CDKL5: variants seen among roughly 807,000 people sequenced by gnomAD.
The protein encoded by CDKL5 is cyclin dependent kinase like 5, also known as cyclin-dependent kinase-like 5.
A neutral mutation model predicts 61.7 loss-of-function variants in CDKL5; 8 were observed. The observed-to-expected ratio is 0.13, with a 90% confidence interval of 0.08 to 0.23. The LOEUF (loss-of-function observed/expected upper bound fraction) is 0.23, where lower values mean the gene tolerates loss of function less well. CDKL5 is among the 10% of genes least tolerant of loss of function. CDKL5 has a pLI of 1.00. For missense variants in CDKL5, 440 were observed against 734.5 expected (o/e 0.60, Z 4.63); for synonymous variants, 275 against 272.3 (o/e 1.01, Z -0.10).
At chrX:18,556,901 A>AAG in intron 3 of CDKL5, among the ~76,000 whole-genome samples, 1 of 109,256 alleles carries the variant, frequency 9.2e-6, no homozygotes. Context: ...AAAAAAAAAA[A>AAG]AAAAAGTATC....
intron 21 of CDKL5, among the ~76,000 whole-genome samples, chrX:18,651,260 TGTGTGAGAGAGA>T (rs1928027681): frequency 1.2e-5 from 1 of 81,590 alleles, no homozygotes; most frequent in African/African-American, 4.5e-5. Flanking sequence ...TGTGTGTGTG[TGTGTGAGAGAGA>T]GAGAGAGAGA....
chrX:18,648,699 G>A (rs755049816), intron 20 of CDKL5, among the ~76,000 whole-genome samples: 104 of 112,086 alleles, frequency 9.3e-4, no homozygotes, highest in Non-Finnish European at 1.7e-3. Flanking sequence ...GGGATTTCTG[G>A]TCAGGTTTTG....
intron 20 of CDKL5, among the ~76,000 whole-genome samples, chrX:18,646,619 A>C (rs1051472833): frequency 7.2e-5 from 8 of 111,837 alleles, no homozygotes; most frequent in African/African-American, 2.3e-4. Context: ...GTGGCTTCTA[A>C]GGTCCTGCAC....
chrX:18,441,174 G>A (rs1931732704), intron 1 of CDKL5, among the ~76,000 whole-genome samples: 1 of 111,224 alleles, frequency 9.0e-6, no homozygotes, highest in African/African-American at 3.3e-5. Context: ...CTAGCACTTT[G>A]GGAAGCCGAG....
At chrX:18,530,967 C>T (rs1923624063) in intron 3 of CDKL5, among the ~76,000 whole-genome samples, 1 of 111,868 alleles carries the variant, frequency 8.9e-6, no homozygotes, top group African/African-American at 3.2e-5. Context: ...GCAACTCTTT[C>T]AGTTGTAATT....
chrX:18,481,582 C>T (rs1002507104), intron 1 of CDKL5, among the ~76,000 whole-genome samples: 11 of 100,651 alleles, frequency 1.1e-4, no homozygotes, highest in Admixed American at 7.8e-4. Flanking sequence ...AGGCTGGTCT[C>T]GAACTCTTGG....
Position 18,524,155 on chromosome X carries a change from G to A in CDKL5, c.99+13301G>A, listed in dbSNP as rs1923349241. ...TGGTGAAAGTGGGCATCTTTGTCTT[G>A]TTCCTGATCTTGAGAGGAGGGGTTT... is the stretch of plus-strand genomic sequence containing the variant. On this transcript the variant is annotated intron_variant, in intron 3 of 17. Coordinates refer to ENST00000623535, the MANE Select transcript of CDKL5 (RefSeq NM_001323289.2). Among the ~76,000 whole-genome samples the A allele has an allele frequency of 3.6e-5, 4 of 111,912 alleles. No individual in the cohort carries two copies. In the Admixed American group the frequency reaches 3.8e-4, roughly 11 times the overall value.
intron 3 of CDKL5, chrX:18,536,221 CT>C (rs1923820202): frequency 9.1e-6 from 1 of 110,257 alleles, no homozygotes; most frequent in Admixed American, 9.8e-5. Flanking sequence ...GAAAGCGCAC[CT>C]TTGCCCCAGT....
intron 16 of CDKL5, among the ~76,000 whole-genome samples, chrX:18,621,193 CCTTT>C (rs1926877936): frequency 9.0e-6 from 1 of 111,675 alleles, no homozygotes. Flanking sequence ...TTTCTGAGGC[CCTTT>C]CTATTATGAA....
chrX:18,463,976 C>G (rs1203972442), intron 1 of CDKL5, among the ~76,000 whole-genome samples: 1 of 110,465 alleles, frequency 9.1e-6, no homozygotes, highest in Non-Finnish European at 1.9e-5. Context: ...ACATGTATGA[C>G]AGAATATACC....
intron 1 of CDKL5, among the ~76,000 whole-genome samples, chrX:18,439,808 G>C (rs1180453139): frequency 9.9e-6 from 1 of 100,937 alleles, no homozygotes; most frequent in Admixed American, 1.1e-4. Flanking sequence ...CTGCACTCCA[G>C]TCTGGGCGAC....
chrX:18,607,203 C>G (rs1186796295), intron 12 of CDKL5, among the ~76,000 whole-genome samples: 1 of 111,026 alleles, frequency 9.0e-6, no homozygotes, highest in Non-Finnish European at 1.9e-5. Flanking sequence ...CAGAAGTGTG[C>G]TCTAAGAGGC....
chrX:18,482,313 A>G (rs750892186), intron 1 of CDKL5, among the ~76,000 whole-genome samples: 11 of 111,926 alleles, frequency 9.8e-5, no homozygotes, highest in Non-Finnish European at 2.1e-4. Flanking sequence ...TTAGGTAAAT[A>G]TATTTCACGT....
Position 18,587,954 on chromosome X carries a change from C to T in CDKL5, c.555C>T (p.Gly185=), listed in dbSNP as rs904580767. ...RWYRSPELLL[G]APYGKSVDMW... ...AATAATCTCTTCCTTTATTTTTCAG[C>T]GCTCCCTATGGAAAGTCCGTGGACA... Residue 185 remains glycine (G), a splice_region_variant and synonymous_variant, in exon 9 of 18, where the codon GGC becomes GGT. Transcript: ENST00000623535. 8 of 1,206,539 alleles carry T rather than the reference C, an allele frequency of 6.6e-6. No homozygotes were observed. The highest frequency in any genetic ancestry group is 3.5e-5 in the South Asian group (2 of 56,834).
intron 1 of CDKL5, among the ~76,000 whole-genome samples, chrX:18,464,366 G>T (rs988855286): frequency 9.0e-6 from 1 of 110,864 alleles, no homozygotes; most frequent in Admixed American, 9.7e-5. Flanking sequence ...ACAGATGTGA[G>T]CCATCATGCC....
intron 20 of CDKL5, among the ~76,000 whole-genome samples, chrX:18,646,496 A>G (rs1927778728): frequency 8.9e-6 from 1 of 112,634 alleles, no homozygotes; most frequent in Non-Finnish European, 1.9e-5. Context: ...ACACTTCTAC[A>G]TTAAGTCACT....
At position 18,603,961 on chromosome X, in the gene CDKL5, T is replaced by G. The variant is rs199916668; in HGVS notation, c.1037T>G (p.Ile346Ser). Residue 346 changes from isoleucine (I) to serine (S), a missense_variant, in exon 12 of 18, where the codon ATC becomes AGC. Transcript: ENST00000623535. Reference protein sequence around the residue: ...QSHHRSNSKDIQNLSVGLPRA... With the variant: ...QSHHRSNSKDSQNLSVGLPRA... ...CACCACAGATCTAACAGCAAGGACA[T>G]CCAGAACCTGAGTGTAGGCCTGCCC... 8.3e-7 allele frequency: 1 copy of G among 1,210,239 alleles called. No individual in the cohort carries two copies. Among genetic ancestry groups the G allele is most frequent in the Admixed American group, 2.2e-5 (1 of 46,002 alleles).
chrX:18,536,542 T>G (rs1206904496), intron 3 of CDKL5, among the ~76,000 whole-genome samples: 3 of 98,968 alleles, frequency 3.0e-5, no homozygotes, highest in African/African-American at 1.1e-4. Flanking sequence ...TGCCTCCCGG[T>G]TCAAGTGATT....
intron 3 of CDKL5, among the ~76,000 whole-genome samples, chrX:18,541,514 G>GT (rs1046429492): frequency 9.0e-6 from 1 of 111,257 alleles, no homozygotes; most frequent in Non-Finnish European, 1.9e-5. Context: ...AATTCATAAG[G>GT]TTTTTTTGTT....
Sources: gnomAD v4.1 joint callset for allele counts (sites outside exome capture counted in the v4.1 genomes callset) on GRCh38, gnomAD v4.1.1 for gene constraint, MANE v1.5 for transcripts, NCBI Gene and HGNC (gene_info 2026-07-23, HGNC 2026-07-21) for gene names.